Variants in GRM7 observed in about 807,000 individuals in gnomAD.
The protein encoded by GRM7 is glutamate metabotropic receptor 7.
GRM7 carries 35 observed loss-of-function variants against 84.5 expected under a neutral mutation model. The ratio of observed to expected loss-of-function variants is 0.41; its 90% CI spans 0.32 to 0.55. The LOEUF (loss-of-function observed/expected upper bound fraction) is 0.55. Among genes scored for constraint, GRM7 ranks in the 20% least tolerant of loss-of-function variants. The pLI is 0.19. For missense variants in GRM7, 1,003 were observed against 1,194.6 expected, an observed-to-expected ratio of 0.84 and a Z score of 2.36; for synonymous variants, 487 against 455.1, an observed-to-expected ratio of 1.07 and a Z score of -0.89.
At chr3:7,615,887 T>C (rs1180797473) in intron 8 of GRM7, among the ~76,000 whole-genome samples, 1 of 151,994 alleles carries the variant, frequency 6.6e-6, no homozygotes, top group East Asian at 1.9e-4. Context: ...TATGTATATA[T>C]AGTATATATT....
intron 1 of GRM7, among the ~76,000 whole-genome samples, chr3:7,018,935 A>G (rs1207548032): frequency 6.6e-6 from 1 of 152,148 alleles, no homozygotes; most frequent in Admixed American, 6.5e-5. Context: ...CATCTCTACT[A>G]AAAATACAAA....
intron 1 of GRM7, among the ~76,000 whole-genome samples, chr3:7,143,149 T>C (rs889235170): frequency 6.6e-5 from 10 of 152,126 alleles, no homozygotes; most frequent in Non-Finnish European, 4.4e-5. Context: ...TGAGTGAAAA[T>C]GGAAGTTAAT....
chr3:7,249,316 C>G (rs1697891881), intron 2 of GRM7, among the ~76,000 whole-genome samples: 1 of 152,110 alleles, frequency 6.6e-6, no homozygotes, highest in African/African-American at 2.4e-5. Context: ...TACGTAAATG[C>G]TAGTGTACCA....
chr3:7,708,516 G>T (rs930035413), intron 9 of GRM7, among the ~76,000 whole-genome samples: 1 of 152,170 alleles, frequency 6.6e-6, no homozygotes, highest in Non-Finnish European at 1.5e-5. Flanking sequence ...GGTTGCCAGA[G>T]AGGAAGGTCA....
chr3:7,706,448 G>A (rs467448), intron 9 of GRM7, among the ~76,000 whole-genome samples: 104,554 of 151,492 alleles, frequency 0.69, 37,689 homozygotes, highest in East Asian at 0.91. Flanking sequence ...AAGTTTGGAG[G>A]GAAGATTTTT....
intron 1 of GRM7, among the ~76,000 whole-genome samples, chr3:7,123,353 TCA>T (rs1693287826): frequency 6.6e-6 from 1 of 152,218 alleles, no homozygotes; most frequent in Non-Finnish European, 1.5e-5. Flanking sequence ...GCATGGTGGC[TCA>T]CGCCTATAAT....
At chr3:6,891,050 G>A (rs1695917940) in intron 1 of GRM7, among the ~76,000 whole-genome samples, 1 of 152,146 alleles carries the variant, frequency 6.6e-6, no homozygotes, top group African/African-American at 2.4e-5. Context: ...GGCTAGGATT[G>A]CAACCCCTGC....
chr3:6,923,995 G>A (rs1226021674), intron 1 of GRM7, among the ~76,000 whole-genome samples: 1 of 152,160 alleles, frequency 6.6e-6, no homozygotes, highest in Non-Finnish European at 1.5e-5. Flanking sequence ...TATTTAAGTT[G>A]GAGTCAGAAG....
At chr3:6,866,629 A>T (rs1694946263) in intron 1 of GRM7, among the ~76,000 whole-genome samples, 1 of 152,212 alleles carries the variant, frequency 6.6e-6, no homozygotes, top group South Asian at 2.1e-4. Context: ...TTACTGAATG[A>T]TCATAAGACA....
intron 7 of GRM7, among the ~76,000 whole-genome samples, chr3:7,523,330 C>T (rs1700669811): frequency 6.6e-6 from 1 of 152,082 alleles, no homozygotes; most frequent in African/African-American, 2.4e-5. Context: ...TTTCCTCTCC[C>T]CTATGTCCCT....
Position 7,308,886 on chromosome 3 carries a change from A to C in GRM7, c.1033+2234A>C, listed in dbSNP as rs542979778. On this transcript the variant is annotated intron_variant, in intron 4 of 9. Transcript: ENST00000357716. ...GGTTATCTCAAAGGTTTAACAAATT[A>C]TTGAGGTAAAATATTATTTTCATGT... is the stretch of plus-strand genomic sequence containing the variant. Among the ~76,000 whole-genome samples the C allele has an allele frequency of 2.0e-5, 3 of 152,346 alleles. No homozygotes were observed. The South Asian group carries it at 6.2e-4, about 32-fold the overall frequency.
intron 5 of GRM7, among the ~76,000 whole-genome samples, chr3:7,450,417 C>G (rs776015014): frequency 2.6e-5 from 4 of 152,078 alleles, no homozygotes; most frequent in Admixed American, 1.3e-4. Context: ...TGACAAAACT[C>G]CTCCACTTCT....
intron 8 of GRM7, among the ~76,000 whole-genome samples, chr3:7,583,187 G>A (rs1056200653): frequency 2.0e-5 from 3 of 152,150 alleles, no homozygotes; most frequent in African/African-American, 7.2e-5. Flanking sequence ...AAAAAGTCAG[G>A]ACCAAGTCCC....
intron 1 of GRM7, among the ~76,000 whole-genome samples, chr3:6,925,165 TC>T (rs1697256382): frequency 6.6e-6 from 1 of 152,176 alleles, no homozygotes; most frequent in Non-Finnish European, 1.5e-5. Flanking sequence ...GTGTATTTCT[TC>T]CTTCCATTTC....
intron 1 of GRM7, among the ~76,000 whole-genome samples, chr3:7,115,249 C>T (rs923248362): frequency 6.6e-6 from 1 of 152,102 alleles, no homozygotes; most frequent in Non-Finnish European, 1.5e-5. Flanking sequence ...AACTTTAGGA[C>T]AATGTTGGTT....
At chr3:7,390,304 T>C (rs1332820485) in intron 4 of GRM7, among the ~76,000 whole-genome samples, 1 of 152,132 alleles carries the variant, frequency 6.6e-6, no homozygotes, top group Non-Finnish European at 1.5e-5. Flanking sequence ...GTGTTGACCT[T>C]GGATAGTTTG....
chr3:6,994,190 C>G (rs1355010242), intron 1 of GRM7, among the ~76,000 whole-genome samples: 5 of 152,038 alleles, frequency 3.3e-5, no homozygotes, highest in Non-Finnish European at 7.4e-5. Context: ...TAAAATATTT[C>G]TAAAAAGAAT....
At chr3:7,078,855 T>TG (rs1342398086) in intron 1 of GRM7, among the ~76,000 whole-genome samples, 2 of 150,318 alleles carry the variant, frequency 1.3e-5, no homozygotes, top group African/African-American at 4.9e-5. Context: ...CTGAGTTTGT[T>TG]TTTTTTTTTT....
intron 5 of GRM7, among the ~76,000 whole-genome samples, chr3:7,417,069 C>T (rs2125183576): frequency 6.6e-6 from 1 of 152,028 alleles, no homozygotes; most frequent in South Asian, 2.1e-4. Context: ...ATGCTTCAGG[C>T]TGATCATTGA....
Sources: gnomAD v4.1 joint callset for allele counts (sites outside exome capture counted in the v4.1 genomes callset) on GRCh38, gnomAD v4.1.1 for gene constraint, MANE v1.5 for transcripts, NCBI Gene and HGNC (gene_info 2026-07-23, HGNC 2026-07-21) for gene names.